The following PDE5A variants were observed in gnomAD, a reference collection of about 807,000 sequenced individuals.
PDE5A encodes phosphodiesterase 5A, also known as cGMP-specific 3',5'-cyclic phosphodiesterase.
A neutral mutation model predicts 110.2 loss-of-function variants in PDE5A; 67 were observed. That is an observed-to-expected ratio of 0.61 (90% CI 0.50 to 0.75). The LOEUF (loss-of-function observed/expected upper bound fraction) is 0.75, where lower values mean the gene tolerates loss of function less well. Among genes scored for constraint, PDE5A ranks in the 30% least tolerant of loss-of-function variants. The probability of loss-of-function intolerance (pLI) is 0.00; values close to 1 mark genes in which losing one functional copy is unlikely to be tolerated. For synonymous variants in PDE5A, 328 were observed against 351.2 expected, an observed-to-expected ratio of 0.93 and a Z score of 0.74; for missense variants, 862 against 1,045.1, an observed-to-expected ratio of 0.82 and a Z score of 2.42.
intron 9 of PDE5A, among the ~76,000 whole-genome samples, chr4:119,544,234 CT>C (rs1727051580): frequency 6.6e-6 from 1 of 152,044 alleles, no homozygotes; most frequent in Admixed American, 6.6e-5. Flanking sequence ...CCTTTTTGCT[CT>C]TTTTGTTTGT....
chr4:119,530,376 C>T (rs764003221), intron 11 of PDE5A, among the ~76,000 whole-genome samples: 5 of 152,108 alleles, frequency 3.3e-5, no homozygotes, highest in Non-Finnish European at 5.9e-5. Context: ...TCTTATCCTA[C>T]AGGTTGGTGA....
Position 119,606,702 on chromosome 4 carries a change from T to G in PDE5A, c.741+7A>C. The stretch of plus-strand genomic sequence containing the variant: ...CACTGGTCCTGCTCTCATGCTCCCC[T>G]GTTTACCTCATATGCATCTTTGATG... On this transcript the variant is annotated splice_region_variant and intron_variant, in intron 2 of 20. Coordinates refer to ENST00000354960, the MANE Select transcript of PDE5A (RefSeq NM_001083.4). 14 of 1,607,102 alleles carry G rather than the reference T, an allele frequency of 8.7e-6. No individual in the cohort carries two copies. The highest frequency in any genetic ancestry group is 1.2e-5 in the Non-Finnish European group (14 of 1,173,966).
At chr4:119,588,170 C>CTTTT (rs11297755) in intron 3 of PDE5A, among the ~76,000 whole-genome samples, 2 of 129,072 alleles carry the variant, frequency 1.5e-5, no homozygotes, top group Non-Finnish European at 3.3e-5. Flanking sequence ...CCAATTTTTT[C>CTTTT]TTTTTTTTTT....
At chr4:119,509,711 A>T (rs1359681729) in intron 15 of PDE5A, among the ~76,000 whole-genome samples, 1 of 152,036 alleles carries the variant, frequency 6.6e-6, no homozygotes, top group African/African-American at 2.4e-5. Flanking sequence ...TTGTAGAAAA[A>T]CAATCTGTAC....
At chr4:119,587,529 G>A (rs1045975878) in intron 3 of PDE5A, among the ~76,000 whole-genome samples, 6 of 151,960 alleles carry the variant, frequency 3.9e-5, no homozygotes, top group East Asian at 1.9e-4. Flanking sequence ...GACTACAGGC[G>A]CCCGCCACCG....
intron 1 of PDE5A, among the ~76,000 whole-genome samples, chr4:119,614,166 T>TA (rs34918444): frequency 0.11 from 16,151 of 148,754 alleles, 1,022 homozygotes; most frequent in Non-Finnish European, 0.15. Flanking sequence ...ATAGTGTCCA[T>TA]AAAAAAAAAA....
At chr4:119,586,503 T>C (rs1728771710) in intron 3 of PDE5A, among the ~76,000 whole-genome samples, 1 of 152,184 alleles carries the variant, frequency 6.6e-6, no homozygotes, top group Non-Finnish European at 1.5e-5. Flanking sequence ...GTATAGATGT[T>C]TGTACATATC....
chr4:119,543,332 T>C (rs1727013800), intron 9 of PDE5A: 1 of 152,170 alleles, frequency 6.6e-6, no homozygotes, highest in Non-Finnish European at 1.5e-5. Context: ...TAGTGGTCTC[T>C]GTGAGGAGTG....
At chr4:119,580,989 G>A (rs908832661) in intron 3 of PDE5A, among the ~76,000 whole-genome samples, 1 of 152,180 alleles carries the variant, frequency 6.6e-6, no homozygotes, top group Non-Finnish European at 1.5e-5. Flanking sequence ...CCAGGTGTTG[G>A]CCTGCAAAGC....
intron 11 of PDE5A, among the ~76,000 whole-genome samples, chr4:119,532,573 TTTG>T (rs1726583055): frequency 2.0e-5 from 3 of 152,114 alleles, no homozygotes. Flanking sequence ...AGAGTGCCTT[TTTG>T]TTTATTCAAT....
At chr4:119,528,110 T>C (rs1726393848) in intron 11 of PDE5A, among the ~76,000 whole-genome samples, 1 of 151,930 alleles carries the variant, frequency 6.6e-6, no homozygotes, top group Non-Finnish European at 1.5e-5. Context: ...TGACAAACAA[T>C]TTGATGGTAT....
intron 8 of PDE5A, among the ~76,000 whole-genome samples, chr4:119,553,210 T>C (rs1423501501): frequency 6.6e-6 from 1 of 152,096 alleles, no homozygotes; most frequent in East Asian, 1.9e-4. Context: ...GAACTAGATA[T>C]TTGTAGCTTT....
chr4:119,578,618 G>A (rs1578794333), intron 3 of PDE5A, among the ~76,000 whole-genome samples: 1 of 152,190 alleles, frequency 6.6e-6, no homozygotes, highest in Non-Finnish European at 1.5e-5. Context: ...ATGGTGCTGG[G>A]AAAACTGGCT....
chr4:119,571,449 G>T (rs1728137125), intron 3 of PDE5A, among the ~76,000 whole-genome samples: 1 of 152,160 alleles, frequency 6.6e-6, no homozygotes, highest in Non-Finnish European at 1.5e-5. Flanking sequence ...ATTTGATGAT[G>T]CTGTTCTGCA....
chr4:119,543,176 T>A (rs1281623068), intron 9 of PDE5A: 3 of 151,836 alleles, frequency 2.0e-5, no homozygotes, highest in African/African-American at 4.8e-5. Flanking sequence ...AGAATCAAAT[T>A]TGCAGAAAAC....
intron 15 of PDE5A, among the ~76,000 whole-genome samples, chr4:119,508,994 T>C (rs1002120931): frequency 1.3e-5 from 2 of 152,022 alleles, no homozygotes; most frequent in African/African-American, 2.4e-5. Context: ...TAAAAAAGCA[T>C]ATTTTCTTTC....
chr4:119,602,724 TAGAA>T lies in PDE5A; in HGVS notation c.741+3981_741+3984del, dbSNP rs558316012. Among the ~76,000 whole-genome samples, 38 of 152,292 alleles carry T rather than the reference TAGAA, an allele frequency of 2.5e-4. 3 individuals are homozygous for T. In the East Asian group the frequency reaches 6.4e-3, roughly 25 times the overall value. On this transcript the variant is annotated intron_variant, in intron 2 of 20. Coordinates refer to ENST00000354960, the MANE Select transcript of PDE5A (RefSeq NM_001083.4). The stretch of plus-strand genomic sequence containing the variant: ...AAAATATATTGATAAATAGTTGAAA[TAGAA>T]AGTAAGAAACTGCATGGTGAAAGAA...
intron 1 of PDE5A, among the ~76,000 whole-genome samples, chr4:119,613,763 A>C (rs1265897611): frequency 6.6e-6 from 1 of 151,996 alleles, no homozygotes; most frequent in East Asian, 1.9e-4. Flanking sequence ...CTACTGAAAA[A>C]AAAACCATAA....
chr4:119,541,586 G>A (rs569275599), intron 10 of PDE5A, among the ~76,000 whole-genome samples: 38 of 152,054 alleles, frequency 2.5e-4, no homozygotes, highest in African/African-American at 9.2e-4. Context: ...TATAATATAT[G>A]TCTCTCTAGC....
Sources: allele counts gnomAD v4.1 joint callset (sites outside exome capture counted in the v4.1 genomes callset), GRCh38; gene constraint gnomAD v4.1.1; transcripts MANE v1.5; gene names NCBI Gene and HGNC (gene_info 2026-07-23, HGNC 2026-07-21).